The following TNNI3K variants were observed in gnomAD, a reference collection of about 807,000 sequenced individuals.
TNNI3K encodes the protein serine/threonine-protein kinase TNNI3K.
A neutral mutation model predicts 114.5 loss-of-function variants in TNNI3K; 140 were observed. The ratio of observed to expected loss-of-function variants is 1.22; its 90% CI spans 1.07 to 1.41. The LOEUF (loss-of-function observed/expected upper bound fraction) is 1.41. Among genes scored for constraint, TNNI3K ranks in the 40% most tolerant of loss-of-function variants. The pLI, the probability that TNNI3K is intolerant of heterozygous loss-of-function variation, is 0.00. For synonymous variants in TNNI3K, 347 were observed against 347.5 expected (o/e 1.00, Z 0.02); for missense variants, 1,125 against 1,007.6 (o/e 1.12, Z -1.58).
chr1:74,454,990 C>A (rs1045144021), intron 20 of TNNI3K, among the ~76,000 whole-genome samples: 3 of 152,068 alleles, frequency 2.0e-5, no homozygotes, highest in Admixed American at 2.0e-4. Context: ...TTATTATTAT[C>A]TTTAGGCCAC....
Position 74,492,269 on chromosome 1 carries a change from G to A in TNNI3K, c.2351+3G>A, listed in dbSNP as rs1669119387. ...TCCTATGCTGCTTTGTCCCAAAGGT[G>A]AGTGGTAATATAAGCAAATCTCACA... On this transcript the variant is annotated splice_donor_region_variant and intron_variant, in intron 23 of 24. Coordinates refer to ENST00000326637, the MANE Select transcript of TNNI3K (RefSeq NM_015978.3). The A allele has an allele frequency of 6.5e-7, 1 of 1,528,378 alleles. No individual in the cohort carries two copies. Among genetic ancestry groups the A allele is most frequent in the Non-Finnish European group, 8.9e-7 (1 of 1,125,518 alleles). 94.7% of individuals were successfully genotyped at this position (1,528,378 alleles called of 1,614,324 possible).
intron 18 of TNNI3K, 45 bp downstream of exon 18, chr1:74,436,177 TG>T (rs752084012): frequency 6.2e-7 from 1 of 1,603,418 alleles, no homozygotes; most frequent in Non-Finnish European, 8.5e-7. Flanking sequence ...TGTTCCTAGC[TG>T]GTACAATATG....
At chr1:74,397,602 T>C (rs1359020176) in intron 17 of TNNI3K, among the ~76,000 whole-genome samples, 1 of 152,218 alleles carries the variant, frequency 6.6e-6, no homozygotes, top group Non-Finnish European at 1.5e-5. Context: ...AGCCAGTTTC[T>C]TATGAAAAGG....
chr1:74,475,659 T>A (rs1668168297), intron 21 of TNNI3K: 1 of 716,208 alleles, frequency 1.4e-6, no homozygotes, highest in Non-Finnish European at 2.6e-6. Flanking sequence ...AGTTGCAGTA[T>A]CCCTTAGTGT....
intron 11 of TNNI3K, among the ~76,000 whole-genome samples, chr1:74,358,535 A>C (rs12127173): frequency 2.0e-5 from 3 of 152,022 alleles, no homozygotes; most frequent in African/African-American, 7.2e-5. Flanking sequence ...AGAGGAGTAC[A>C]AGTAAGAAGA....
chr1:74,446,918 G>A (rs1666719720), intron 20 of TNNI3K, among the ~76,000 whole-genome samples: 1 of 133,906 alleles, frequency 7.5e-6, no homozygotes, highest in Middle Eastern at 3.6e-3. Context: ...TTTGGTACCA[G>A]TACCATGCTG....
At chr1:74,237,438 T>C (rs1570352922) in intron 2 of TNNI3K, among the ~76,000 whole-genome samples, 1 of 152,132 alleles carries the variant, frequency 6.6e-6, no homozygotes, top group East Asian at 1.9e-4. Context: ...TAAATAAATA[T>C]GCTAAATGAA....
intron 21 of TNNI3K, among the ~76,000 whole-genome samples, chr1:74,476,118 C>T (rs1668194036): frequency 6.6e-6 from 1 of 152,124 alleles, no homozygotes; most frequent in African/African-American, 2.4e-5. Flanking sequence ...CCTGCAGTAA[C>T]ATTATTTTTT....
At chr1:74,495,460 T>A (rs1482080691) in intron 23 of TNNI3K, among the ~76,000 whole-genome samples, 1 of 152,136 alleles carries the variant, frequency 6.6e-6, no homozygotes. Context: ...ATTGGATAAA[T>A]TGGCTCAATA....
At chr1:74,398,589 G>A (rs1012062606) in intron 17 of TNNI3K, among the ~76,000 whole-genome samples, 5 of 152,142 alleles carry the variant, frequency 3.3e-5, no homozygotes, top group Non-Finnish European at 7.4e-5. Flanking sequence ...ACTGGTAATG[G>A]TAGACCACCT....
intron 24 of TNNI3K, among the ~76,000 whole-genome samples, chr1:74,542,967 A>C (rs1646743385): frequency 6.6e-6 from 1 of 151,538 alleles, no homozygotes; most frequent in African/African-American, 2.4e-5. Context: ...AATTTTATGT[A>C]CCTTTAAAAT....
chr1:74,413,579 T>C (rs1232404688), intron 17 of TNNI3K, among the ~76,000 whole-genome samples: 1 of 152,204 alleles, frequency 6.6e-6, no homozygotes, highest in African/African-American at 2.4e-5. Context: ...ACAGTATCTG[T>C]GCCATTACCT....
intron 17 of TNNI3K, among the ~76,000 whole-genome samples, chr1:74,404,754 C>T (rs1224097687): frequency 6.6e-6 from 1 of 152,144 alleles, no homozygotes; most frequent in Non-Finnish European, 1.5e-5. Context: ...CTTTATGAAT[C>T]TCCTATAATT....
intron 5 of TNNI3K, among the ~76,000 whole-genome samples, chr1:74,280,848 G>A (rs1351596321): frequency 6.6e-6 from 1 of 152,044 alleles, no homozygotes; most frequent in Non-Finnish European, 1.5e-5. Context: ...CAGCGGTGGT[G>A]ACCAAGGGAG....
At chr1:74,541,667 C>T (rs1440441285) in intron 24 of TNNI3K, 1 of 152,048 alleles carries the variant, frequency 6.6e-6, no homozygotes, top group South Asian at 2.1e-4. Flanking sequence ...AAGAAGAATT[C>T]CCCCAAGATG....
At chr1:74,354,509 A>G (rs373783981) in intron 11 of TNNI3K, among the ~76,000 whole-genome samples, 119 of 151,238 alleles carry the variant, frequency 7.9e-4, no homozygotes, top group East Asian at 4.1e-3. Flanking sequence ...AGGGGGGGGG[A>G]AAGAAATATT....
intron 21 of TNNI3K, chr1:74,471,398 A>G (rs3765673): frequency 0.027 from 10,704 of 400,678 alleles, 494 homozygotes; most frequent in East Asian, 0.15. Context: ...ACCTGCTTGC[A>G]TTGCTTTGGG....
intron 17 of TNNI3K, 54 bp downstream of exon 17, chr1:74,370,446 A>G: frequency 6.7e-7 from 1 of 1,498,404 alleles, no homozygotes; most frequent in Non-Finnish European, 9.2e-7. Context: ...TGGGAGTTTA[A>G]GACAGATTTC....
intron 5 of TNNI3K, among the ~76,000 whole-genome samples, chr1:74,298,498 A>G (rs907642407): frequency 1.3e-5 from 2 of 152,176 alleles, no homozygotes; most frequent in Non-Finnish European, 2.9e-5. Context: ...TAAAAATTAC[A>G]CTGATCTTTT....
Sources: gnomAD v4.1 joint callset for allele counts (sites outside exome capture counted in the v4.1 genomes callset) on GRCh38, gnomAD v4.1.1 for gene constraint, MANE v1.5 for transcripts, NCBI Gene and HGNC (gene_info 2026-07-23, HGNC 2026-07-21) for gene names.